RIMBP2: variants seen among roughly 807,000 people sequenced by gnomAD.
The protein encoded by RIMBP2 is RIMS-binding protein 2.
In RIMBP2, 48 loss-of-function variants were observed where a neutral mutation model predicts 118.6. The observed-to-expected ratio is 0.40, with a 90% CI of 0.32 to 0.51. The LOEUF (loss-of-function observed/expected upper bound fraction) is 0.51, where lower values mean the gene tolerates loss of function less well. Ranked by LOEUF, RIMBP2 falls within the 20% of genes least tolerant of loss-of-function variation. The pLI is 0.41. For synonymous variants in RIMBP2, 762 were observed against 742.9 expected (o/e 1.03, Z -0.42); for missense variants, 1,551 against 1,768.3 (o/e 0.88, Z 2.20).
At chr12:130,647,165 C>G (rs532012543) in intron 1 of RIMBP2, among the ~76,000 whole-genome samples, 11 of 152,290 alleles carry the variant, frequency 7.2e-5, no homozygotes, top group Admixed American at 7.2e-4. Context: ...GTATTCAAGA[C>G]CAGCTTAGCC....
At chr12:130,697,997 G>A (rs933131021) in intron 1 of RIMBP2, among the ~76,000 whole-genome samples, 5 of 152,148 alleles carry the variant, frequency 3.3e-5, no homozygotes, top group Admixed American at 1.3e-4. Context: ...GATTTGAGCC[G>A]TCTTCAACAG....
At chr12:130,498,070 C>T (rs191947188) in intron 4 of RIMBP2, among the ~76,000 whole-genome samples, 3 of 152,376 alleles carry the variant, frequency 2.0e-5, no homozygotes, top group Non-Finnish European at 4.4e-5. Context: ...TGCAGAGAAG[C>T]ACCCTGACTC....
At chr12:130,650,234 C>T (rs917004126) in intron 1 of RIMBP2, among the ~76,000 whole-genome samples, 1 of 152,044 alleles carries the variant, frequency 6.6e-6, no homozygotes, top group Non-Finnish European at 1.5e-5. Flanking sequence ...CAGCGTGGTC[C>T]CTGGGTGCTG....
chr12:130,685,727 A>T (rs961936373), intron 1 of RIMBP2, among the ~76,000 whole-genome samples: 2 of 152,142 alleles, frequency 1.3e-5, no homozygotes, highest in African/African-American at 4.8e-5. Flanking sequence ...GATCACTCCA[A>T]ACAGCCCCCT....
chr12:130,595,237 C>T (rs1425114704), intron 2 of RIMBP2, among the ~76,000 whole-genome samples: 1 of 152,168 alleles, frequency 6.6e-6, no homozygotes, highest in African/African-American at 2.4e-5. Flanking sequence ...GCCTGATGGG[C>T]TGCCCTGCAG....
intron 2 of RIMBP2, among the ~76,000 whole-genome samples, chr12:130,560,380 T>C (rs891857393): frequency 1.3e-5 from 2 of 152,052 alleles, no homozygotes; most frequent in Non-Finnish European, 2.9e-5. Context: ...GTCTGGAAGA[T>C]TCTTTGCTGT....
At chr12:130,563,456 G>A (rs2056971230) in intron 2 of RIMBP2, among the ~76,000 whole-genome samples, 1 of 152,214 alleles carries the variant, frequency 6.6e-6, no homozygotes, top group Admixed American at 6.5e-5. Context: ...ATAGCAAAAG[G>A]TTTAGGATTC....
chr12:130,672,704 ACTGCTCCCCT>A (rs1437412406), intron 1 of RIMBP2, among the ~76,000 whole-genome samples: 1 of 152,198 alleles, frequency 6.6e-6, no homozygotes, highest in African/African-American at 2.4e-5. Context: ...CTGAAGAACC[ACTGCTCCCCT>A]CTGCAAGCTG....
At chr12:130,543,625 T>C (rs1016842804) in intron 2 of RIMBP2, among the ~76,000 whole-genome samples, 3 of 152,130 alleles carry the variant, frequency 2.0e-5, no homozygotes, top group Admixed American at 6.5e-5. Context: ...TAGAGAGTGA[T>C]GAGGGCCACC....
chr12:130,547,440 C>T (rs142484124), intron 2 of RIMBP2, among the ~76,000 whole-genome samples: 187 of 152,312 alleles, frequency 1.2e-3, no homozygotes, highest in African/African-American at 4.4e-3. Flanking sequence ...TTCTCACTAT[C>T]GTATTTTATA....
At chr12:130,563,749 C>T (rs542412722) in intron 2 of RIMBP2, among the ~76,000 whole-genome samples, 1 of 152,160 alleles carries the variant, frequency 6.6e-6, no homozygotes, top group Non-Finnish European at 1.5e-5. Flanking sequence ...TTCACAGGTA[C>T]TCTCATCTCT....
At chr12:130,624,314 A>G (rs191690474) in intron 2 of RIMBP2, among the ~76,000 whole-genome samples, 66 of 152,384 alleles carry the variant, frequency 4.3e-4, no homozygotes, top group Non-Finnish European at 8.2e-4. Context: ...GTCAAGATAC[A>G]TGAGATTTTA....
In RIMBP2 at chr12:130,670,168, G is replaced by A. The variant is rs533645505; in HGVS notation, c.-351-41712C>T. Among the ~76,000 whole-genome samples the A allele has an allele frequency of 5.3e-5, 8 of 152,152 alleles. 1 individual carries two copies. In the South Asian group the frequency reaches 1.0e-3, roughly 20 times the overall value. On this transcript the variant is annotated intron_variant, in intron 1 of 22. Transcript: ENST00000690449. This position sits in a 1 kb window ranked among gnomAD's most constrained non-coding sequence, Gnocchi z 4.9. ...CTGCCAGGAGCCCAGGAATGCCTAC[G>A]GTTGGGAGAGACAAGGAAGAGGCCC...
intron 2 of RIMBP2, among the ~76,000 whole-genome samples, chr12:130,538,290 C>T: frequency 7.0e-6 from 1 of 142,416 alleles, no homozygotes; most frequent in Non-Finnish European, 1.5e-5. Flanking sequence ...AAGCTCTTCA[C>T]AGTGGAAAAA....
rs1019435184 is a variant in RIMBP2, at chr12:130,461,962, C to G, written c.154-5262G>C. Among the ~76,000 whole-genome samples, 5 of 15,406 alleles carry G rather than the reference C, an allele frequency of 3.2e-4. No homozygotes were observed. In the South Asian group the frequency reaches 0.13, roughly 411 times the overall value. 10.1% of individuals were successfully genotyped at this position (15,406 alleles called of 152,430 possible). A position where few individuals can be genotyped will look rare whatever the true frequency, so the allele number is the denominator to read the frequency against. On this transcript the variant is annotated intron_variant, in intron 6 of 22. Coordinates refer to ENST00000690449, the MANE Select transcript of RIMBP2 (RefSeq NM_001393629.1). The stretch of plus-strand genomic sequence containing the variant: ...CACACCCAGGGAATTTTCAATTCAC[C>G]GGAAGTCTCACATTTTAAACCCTGC...
At chr12:130,601,014 T>C (rs111665899) in intron 2 of RIMBP2, among the ~76,000 whole-genome samples, 61,125 of 151,846 alleles carry the variant, frequency 0.4, 13,076 homozygotes, top group African/African-American at 0.54. Context: ...CCTAGCCGAG[T>C]ACACCCTTCA....
At chr12:130,615,204 C>G (rs998211527) in intron 2 of RIMBP2, among the ~76,000 whole-genome samples, 22 of 140,732 alleles carry the variant, frequency 1.6e-4, no homozygotes, top group African/African-American at 5.0e-4. Flanking sequence ...ACAACATATA[C>G]ATCATATTAT....
intron 9 of RIMBP2, among the ~76,000 whole-genome samples, chr12:130,448,120 T>TA (rs5801923): frequency 0.013 from 1,801 of 137,474 alleles, 35 homozygotes; most frequent in African/African-American, 0.045. Context: ...GGTGGGTGGT[T>TA]AAAAAAAAAA....
chr12:130,402,041 C>T (rs1210729265), intron 21 of RIMBP2, among the ~76,000 whole-genome samples: 1 of 152,206 alleles, frequency 6.6e-6, no homozygotes, highest in African/African-American at 2.4e-5. Flanking sequence ...CTGGTTATTG[C>T]TCTTGTTCTT....
Sources: allele counts gnomAD v4.1 joint callset (sites outside exome capture counted in the v4.1 genomes callset), GRCh38; gene constraint gnomAD v4.1.1; non-coding constraint Gnocchi (gnomAD v3.1); transcripts MANE v1.5; gene names NCBI Gene and HGNC (gene_info 2026-07-23, HGNC 2026-07-21).